The following CCDC178 variants were observed in gnomAD, a reference collection of about 807,000 sequenced individuals.
The protein encoded by CCDC178 is coiled-coil domain containing 178, also known as coiled-coil domain-containing protein 178.
In CCDC178, 126 loss-of-function variants were observed where a neutral mutation model predicts 117.4. The ratio of observed to expected loss-of-function variants is 1.07; its 90% CI spans 0.93 to 1.24. CCDC178 has a LOEUF of 1.24. Among genes scored for constraint, CCDC178 ranks in the 50% most tolerant of loss-of-function variants. CCDC178 has a pLI of 0.00. For missense variants in CCDC178, 1,030 were observed against 986.9 expected (o/e 1.04, Z -0.59); for synonymous variants, 283 against 313.4 (o/e 0.90, Z 1.02).
At chr18:33,433,654 C>A (rs776114466) in intron 2 of CCDC178, among the ~76,000 whole-genome samples, 2 of 152,032 alleles carry the variant, frequency 1.3e-5, no homozygotes, top group Non-Finnish European at 2.9e-5. Flanking sequence ...TTTTATTTCC[C>A]CATAATTACA....
At chr18:33,359,502 C>A (rs1406166036) in intron 6 of CCDC178, among the ~76,000 whole-genome samples, 1 of 151,566 alleles carries the variant, frequency 6.6e-6, no homozygotes. Flanking sequence ...GCCTACAATT[C>A]CAGAGAAACA....
At chr18:33,333,152 G>A in intron 10 of CCDC178, 22 bp downstream of exon 10, 1 of 1,369,330 alleles carries the variant, frequency 7.3e-7, no homozygotes, top group Non-Finnish European at 1.0e-6. Context: ...TTTATGAAAT[G>A]CTCATGCATT....
At chr18:33,357,989 G>A (rs1166750199) in intron 6 of CCDC178, among the ~76,000 whole-genome samples, 2 of 151,910 alleles carry the variant, frequency 1.3e-5, no homozygotes, top group Admixed American at 6.6e-5. Context: ...ACAAACCTCA[G>A]TGGTATAGCC....
In CCDC178 at chr18:33,293,327, A is replaced by G; in HGVS notation, c.1023-15T>C. 1 of 1,439,516 alleles carries G rather than the reference A, an allele frequency of 6.9e-7. No homozygotes were observed. The highest frequency in any genetic ancestry group is 1.4e-5 in the African/African-American group (1 of 70,110). 89.2% of individuals were successfully genotyped at this position (1,439,516 alleles called of 1,614,324 possible). ...ATATCTCTCTCCTAGGGATAAAAAC[A>G]CAGTTTATTTTATTCACATTAAAAG... On this transcript the variant is annotated splice_polypyrimidine_tract_variant and intron_variant, in intron 11 of 22. Transcript: ENST00000383096.
At chr18:33,080,737 A>G (rs1050863845) in intron 21 of CCDC178, among the ~76,000 whole-genome samples, 5 of 152,312 alleles carry the variant, frequency 3.3e-5, no homozygotes. Flanking sequence ...TGGTGTTTTT[A>G]TGAATTAAAT....
chr18:33,315,138 C>T (rs2062398810), intron 11 of CCDC178, among the ~76,000 whole-genome samples: 1 of 152,134 alleles, frequency 6.6e-6, no homozygotes, highest in Admixed American at 6.5e-5. Context: ...AACCTCACAA[C>T]AGGTATAGAA....
intron 15 of CCDC178, among the ~76,000 whole-genome samples, chr18:33,236,764 G>A (rs966766891): frequency 1.3e-5 from 2 of 152,198 alleles, no homozygotes; most frequent in Non-Finnish European, 2.9e-5. Context: ...AGGCAACTCT[G>A]GTAATTGGAA....
At position 33,135,812 on chromosome 18, in the gene CCDC178, C is replaced by A. The variant is rs1462670416; in HGVS notation, c.2239-42902G>T. ...ATAGGGCACTGACCCTGACATTTAC[C>A]CCGTGTGACAGACTGACTCTTGGTC... On this transcript the variant is annotated intron_variant, in intron 20 of 22. Coordinates refer to ENST00000383096, the MANE Select transcript of CCDC178 (RefSeq NM_001105528.4). Among the ~76,000 whole-genome samples the A allele has an allele frequency of 2.0e-5, 3 of 152,092 alleles. No individual in the cohort carries two copies. The East Asian group carries it at 5.8e-4, about 29-fold the overall frequency.
At chr18:33,096,473 C>A (rs76685872) in intron 20 of CCDC178, among the ~76,000 whole-genome samples, 1 of 151,122 alleles carries the variant, frequency 6.6e-6, no homozygotes, top group East Asian at 1.9e-4. Context: ...TAAGGCTGAA[C>A]TTGCCTGTTA....
intron 7 of CCDC178, among the ~76,000 whole-genome samples, chr18:33,353,919 G>C (rs773932939): frequency 4.7e-4 from 72 of 152,080 alleles, no homozygotes; most frequent in Non-Finnish European, 8.4e-4. Flanking sequence ...TTACTCTCTA[G>C]TGTCGTTTCA....
At chr18:33,296,296 A>G (rs560458275) in intron 11 of CCDC178, among the ~76,000 whole-genome samples, 2 of 152,278 alleles carry the variant, frequency 1.3e-5, no homozygotes, top group African/African-American at 4.8e-5. Flanking sequence ...GTGGATATGA[A>G]TAAAAAGGGT....
chr18:32,944,582 T>A (rs1296794625), intron 22 of CCDC178, among the ~76,000 whole-genome samples: 1 of 152,210 alleles, frequency 6.6e-6, no homozygotes, highest in Non-Finnish European at 1.5e-5. Context: ...TTTTCCCCAA[T>A]GTGTTCTTAC....
intron 12 of CCDC178, among the ~76,000 whole-genome samples, chr18:33,280,847 G>T (rs145245008): frequency 1.3e-5 from 2 of 151,864 alleles, no homozygotes; most frequent in Non-Finnish European, 2.9e-5. Context: ...GTAAACTATC[G>T]CAAGGACAAA....
chr18:32,999,167 G>C (rs1423432766), intron 21 of CCDC178, among the ~76,000 whole-genome samples: 1 of 152,082 alleles, frequency 6.6e-6, no homozygotes, highest in Admixed American at 6.6e-5. Context: ...AAGAGCCCTT[G>C]GGCCTTGAGT....
intron 21 of CCDC178, among the ~76,000 whole-genome samples, chr18:33,021,378 T>C (rs914603590): frequency 1.3e-5 from 2 of 152,166 alleles, no homozygotes; most frequent in Admixed American, 6.6e-5. Flanking sequence ...CAGCTCCATA[T>C]ACAAATACTT....
chr18:33,401,891 C>T (rs924083544), intron 3 of CCDC178, among the ~76,000 whole-genome samples: 3 of 151,946 alleles, frequency 2.0e-5, no homozygotes, highest in African/African-American at 7.3e-5. Flanking sequence ...TAAATGAACA[C>T]ATGGAAATTA....
intron 20 of CCDC178, among the ~76,000 whole-genome samples, chr18:33,195,783 A>T (rs1392094418): frequency 6.6e-6 from 1 of 152,206 alleles, no homozygotes; most frequent in African/African-American, 2.4e-5. Flanking sequence ...CTATGATAAT[A>T]ACTTATACTA....
At chr18:33,264,079 C>T (rs568781399) in intron 14 of CCDC178, among the ~76,000 whole-genome samples, 18 of 151,918 alleles carry the variant, frequency 1.2e-4, no homozygotes, top group Admixed American at 4.6e-4. Context: ...ATATCTGTGT[C>T]AAACAAAAAA....
At chr18:33,322,046 A>C (rs1031256945) in intron 11 of CCDC178, among the ~76,000 whole-genome samples, 4 of 151,996 alleles carry the variant, frequency 2.6e-5, no homozygotes, top group Non-Finnish European at 5.9e-5. Flanking sequence ...CCTAATGATA[A>C]GGAGGTTAAT....
Sources: gnomAD v4.1 joint callset for allele counts (sites outside exome capture counted in the v4.1 genomes callset) on GRCh38, gnomAD v4.1.1 for gene constraint, MANE v1.5 for transcripts, NCBI Gene and HGNC (gene_info 2026-07-23, HGNC 2026-07-21) for gene names.